Variants in CLDN16 observed in about 807,000 individuals in gnomAD.
The protein encoded by CLDN16 is claudin-16.
Under a neutral mutation model 24.6 loss-of-function variants are expected in CLDN16, and 13 were observed. That is an observed-to-expected ratio of 0.53 (90% CI 0.34 to 0.84). The LOEUF is 0.84. Ranked by LOEUF, CLDN16 falls within the 40% of genes least tolerant of loss-of-function variation. The pLI is 0.01. For missense variants in CLDN16, 298 were observed against 292.7 expected (o/e 1.02, Z -0.13); for synonymous variants, 116 against 106.7 (o/e 1.09, Z -0.54).
intron 1 of CLDN16, among the ~76,000 whole-genome samples, chr3:190,329,717 C>T (rs1337778194): frequency 6.6e-6 from 1 of 151,928 alleles, no homozygotes; most frequent in Non-Finnish European, 1.5e-5. Context: ...AACTTTTTTT[C>T]TCAGGGGAAT....
intron 1 of CLDN16, among the ~76,000 whole-genome samples, chr3:190,339,534 A>T (rs924223810): frequency 5.9e-5 from 9 of 152,316 alleles, no homozygotes; most frequent in Admixed American, 5.9e-4. Flanking sequence ...AATTTCATAG[A>T]TTATGGTAAT....
chr3:190,392,059 C>CTTTTTTTTTTTTTTTTTTTTTT (rs35220103), intron 1 of CLDN16, among the ~76,000 whole-genome samples: 13 of 126,076 alleles, frequency 1.0e-4, no homozygotes, highest in African/African-American at 2.3e-4. Context: ...CCTTTTCAGT[C>CTTTTTTTTTTTTTTTTTTTTTT]TTTTTTTTTT....
chr3:190,349,138 GT>G (rs1306605283), intron 1 of CLDN16, among the ~76,000 whole-genome samples: 1 of 152,206 alleles, frequency 6.6e-6, no homozygotes, highest in Non-Finnish European at 1.5e-5. Context: ...CCCTGGTATG[GT>G]TTTTGTGTCC....
At chr3:190,371,016 T>TTATATATATATATATATATATATA (rs141854157) in intron 2 of CLDN16, 82 of 13,736 alleles carry the variant, frequency 6.0e-3, no homozygotes, top group South Asian at 0.034. Context: ...GTTAATACCT[T>TTATATATATATATATATATATATA]TATATATATA....
upstream of CLDN16, among the ~76,000 whole-genome samples, chr3:190,386,178 T>A (rs139091588): frequency 2.5e-3 from 388 of 152,248 alleles, 3 homozygotes; most frequent in African/African-American, 9.1e-3. Flanking sequence ...CATTTCAGAT[T>A]TTAGGGCACA....
chr3:190,317,631 T>C (rs1716805154), upstream of CLDN16, among the ~76,000 whole-genome samples: 1 of 152,228 alleles, frequency 6.6e-6, no homozygotes, highest in Non-Finnish European at 1.5e-5. Flanking sequence ...AGGTTCTATA[T>C]ATCATAAACA....
At chr3:190,406,455 C>T (rs1269553764) in intron 3 of CLDN16, among the ~76,000 whole-genome samples, 1 of 151,974 alleles carries the variant, frequency 6.6e-6, no homozygotes, top group Admixed American at 6.6e-5. Context: ...CAGTAAATAA[C>T]CCATCTTATG....
intron 3 of CLDN16, among the ~76,000 whole-genome samples, chr3:190,375,905 C>T (rs1718238256): frequency 6.6e-6 from 1 of 151,748 alleles, no homozygotes; most frequent in African/African-American, 2.4e-5. Flanking sequence ...CCTGAGTTGT[C>T]ACCTGGCTTC....
At chr3:190,321,895 A>G (rs1716931398), upstream of CLDN16, 1 of 950,760 alleles carries the variant, frequency 1.1e-6, no homozygotes, top group Non-Finnish European at 1.7e-6. Flanking sequence ...ACTGATAACC[A>G]TGGAATCACA....
At chr3:190,350,164 T>C (rs1311604045) in intron 1 of CLDN16, among the ~76,000 whole-genome samples, 1 of 147,720 alleles carries the variant, frequency 6.8e-6, no homozygotes, top group Non-Finnish European at 1.5e-5. Context: ...ATTCTAAGAA[T>C]CCAGTAGAAT....
chr3:190,313,177 T>C, the CLDN16 span: 1 of 886,680 alleles, frequency 1.1e-6, no homozygotes, highest in Non-Finnish European at 1.8e-6. Context: ...ATACTGATGT[T>C]TCCGCTGGTA....
intron 3 of CLDN16, among the ~76,000 whole-genome samples, chr3:190,375,683 G>A (rs182385669): frequency 3.0e-4 from 46 of 152,050 alleles, no homozygotes; most frequent in African/African-American, 1.1e-3. Flanking sequence ...GTTGATCCCA[G>A]TTTGTTTCCT....
chr3:190,377,559 C>A (rs1261685602), intron 3 of CLDN16, among the ~76,000 whole-genome samples: 1 of 151,892 alleles, frequency 6.6e-6, no homozygotes, highest in East Asian at 1.9e-4. Context: ...TTAAAGTCTC[C>A]TTAGATGTGA....
chr3:190,374,202 G>A (rs1718199971), intron 2 of CLDN16, among the ~76,000 whole-genome samples: 1 of 151,400 alleles, frequency 6.6e-6, no homozygotes, highest in Admixed American at 6.6e-5. Flanking sequence ...TCTACCATAT[G>A]AGTAATGGAA....
upstream of CLDN16, among the ~76,000 whole-genome samples, chr3:190,386,837 A>G (rs1037715810): frequency 3.3e-5 from 5 of 152,254 alleles, no homozygotes; most frequent in Non-Finnish European, 5.9e-5. Flanking sequence ...TTAAAATTAG[A>G]AAAAACAAAG....
chr3:190,405,460 A>C (rs1719075146), intron 3 of CLDN16, among the ~76,000 whole-genome samples: 1 of 149,678 alleles, frequency 6.7e-6, no homozygotes, highest in Non-Finnish European at 1.5e-5. Flanking sequence ...AAATAAAGAA[A>C]AAAAAAAGCT....
chr3:190,300,378 C>T, the CLDN16 span, among the ~76,000 whole-genome samples: 1 of 149,484 alleles, frequency 6.7e-6, no homozygotes, highest in Non-Finnish European at 1.5e-5. Context: ...TTTATAAGAA[C>T]ACTCAACAGC....
intron 1 of CLDN16, among the ~76,000 whole-genome samples, chr3:190,356,312 T>G (rs1414380731): frequency 6.6e-6 from 1 of 151,808 alleles, no homozygotes; most frequent in Non-Finnish European, 1.5e-5. Context: ...GAAAAAATAC[T>G]GCTATAATAA....
chr3:190,323,426 C>T (rs1030859745), intron 1 of CLDN16, among the ~76,000 whole-genome samples: 1 of 152,132 alleles, frequency 6.6e-6, no homozygotes. Flanking sequence ...CTCACCCCTC[C>T]GGTTTCGGTC....
Sources: gnomAD v4.1 joint callset for allele counts (sites outside exome capture counted in the v4.1 genomes callset) on GRCh38, gnomAD v4.1.1 for gene constraint, MANE v1.5 for transcripts, NCBI Gene and HGNC (gene_info 2026-07-23, HGNC 2026-07-21) for gene names.